The following SUCLG2 variants were observed in gnomAD, a reference collection of about 807,000 sequenced individuals.
SUCLG2 encodes the protein succinate-CoA ligase GDP-forming subunit beta.
SUCLG2 carries 42 observed loss-of-function variants against 47.9 expected under a neutral mutation model. The observed-to-expected ratio is 0.88, with a 90% CI of 0.69 to 1.14. The LOEUF is 1.14. Among genes scored for constraint, SUCLG2 ranks in the 50% most tolerant of loss-of-function variants. The probability of loss-of-function intolerance (pLI) is 0.00; values close to 1 mark genes in which losing one functional copy is unlikely to be tolerated. For missense variants in SUCLG2, 571 were observed against 525.9 expected, an observed-to-expected ratio of 1.09 and a Z score of -0.84; for synonymous variants, 195 against 197.3, an observed-to-expected ratio of 0.99 and a Z score of 0.10.
At chr3:67,528,368 G>C in intron 3 of SUCLG2, 146 bp from the exon 4 acceptor site, 2 of 710,818 alleles carry the variant, frequency 2.8e-6, no homozygotes, top group Non-Finnish European at 4.8e-6. Context: ...TATGTGCTGC[G>C]TGTTTAGCAC....
chr3:67,368,145 T>C (rs1480612736), intron 10 of SUCLG2, among the ~76,000 whole-genome samples: 1 of 152,190 alleles, frequency 6.6e-6, no homozygotes, highest in Non-Finnish European at 1.5e-5. Flanking sequence ...TCCCCTAAAA[T>C]TTTTGCAGAT....
At position 67,491,249 on chromosome 3, in the gene SUCLG2, G is replaced by C. The variant is rs146774918; in HGVS notation, c.1062+4549C>G. On this transcript the variant is annotated intron_variant, in intron 9 of 10. Coordinates refer to ENST00000307227, the MANE Select transcript of SUCLG2 (RefSeq NM_003848.4). ...TCAGAAGAAAAAAAAAAAAAAAAGAGAGAAAAGAAAAGAAATTACCTGTGG... is the reference window on the plus strand; with the variant it reads ...TCAGAAGAAAAAAAAAAAAAAAAGACAGAAAAGAAAAGAAATTACCTGTGG... Among the ~76,000 whole-genome samples the C allele has an allele frequency of 8.7e-3, 1,302 of 149,138 alleles. 23 individuals are homozygous for C. Among genetic ancestry groups the C allele is most frequent in the African/African-American group, 0.03 (1,236 of 40,830 alleles).
At chr3:67,404,461 C>G (rs557667812) in intron 9 of SUCLG2, among the ~76,000 whole-genome samples, 4 of 148,340 alleles carry the variant, frequency 2.7e-5, no homozygotes, top group Non-Finnish European at 6.0e-5. Flanking sequence ...AAGACAGGAA[C>G]AGAAAGAGTA....
chr3:67,437,633 A>G (rs1230374075), intron 9 of SUCLG2, among the ~76,000 whole-genome samples: 3 of 152,100 alleles, frequency 2.0e-5, no homozygotes, highest in African/African-American at 7.2e-5. Flanking sequence ...TTATAAGGGT[A>G]AATTTCTTCT....
At chr3:67,590,988 G>A (rs1018344881) in intron 2 of SUCLG2, among the ~76,000 whole-genome samples, 5 of 152,090 alleles carry the variant, frequency 3.3e-5, no homozygotes. Flanking sequence ...TTGTAGAGAG[G>A]TGCCAACTAA....
intron 1 of SUCLG2, among the ~76,000 whole-genome samples, chr3:67,641,968 C>A (rs1307387473): frequency 6.6e-6 from 1 of 152,132 alleles, no homozygotes; most frequent in Non-Finnish European, 1.5e-5. Flanking sequence ...GGCGTGTGTG[C>A]CCGAGTATAA....
At chr3:67,464,418 A>T (rs1356716042) in intron 9 of SUCLG2, among the ~76,000 whole-genome samples, 1 of 152,208 alleles carries the variant, frequency 6.6e-6, no homozygotes, top group African/African-American at 2.4e-5. Context: ...GACATCCCCA[A>T]TTCCAAATTT....
At chr3:67,576,476 T>C (rs1707745271) in intron 2 of SUCLG2, among the ~76,000 whole-genome samples, 1 of 152,220 alleles carries the variant, frequency 6.6e-6, no homozygotes, top group Non-Finnish European at 1.5e-5. Context: ...GTATTTCCCA[T>C]TCACAAGTGT....
chr3:67,397,840 G>A (rs1165141018), intron 10 of SUCLG2, among the ~76,000 whole-genome samples: 5 of 152,012 alleles, frequency 3.3e-5, no homozygotes, highest in Admixed American at 2.0e-4. Flanking sequence ...CAATGCAACA[G>A]AACAGAGCCC....
At chr3:67,591,612 T>C (rs1020211001) in intron 2 of SUCLG2, among the ~76,000 whole-genome samples, 7 of 152,150 alleles carry the variant, frequency 4.6e-5, no homozygotes, top group African/African-American at 1.2e-4. Context: ...GCTGCCACCA[T>C]GTAAGAAGTG....
chr3:67,589,332 T>C (rs1000001843), intron 2 of SUCLG2, among the ~76,000 whole-genome samples: 1 of 152,230 alleles, frequency 6.6e-6, no homozygotes, highest in Non-Finnish European at 1.5e-5. Context: ...CTTCTCTCAC[T>C]AGAATTCGAA....
chr3:67,554,149 A>G (rs566459988), intron 2 of SUCLG2, among the ~76,000 whole-genome samples: 1 of 152,190 alleles, frequency 6.6e-6, no homozygotes, highest in African/African-American at 2.4e-5. Flanking sequence ...CCAGTTGCCA[A>G]GACAAATGGG....
Position 67,495,890 on chromosome 3 carries a change from C to A in SUCLG2, c.970G>T (p.Gly324Cys). Residue 324 changes from glycine to cysteine, a missense_variant, in exon 9 of 11, where the codon GGT (glycine) becomes TGT (cysteine). Coordinates refer to ENST00000307227, the MANE Select transcript of SUCLG2 (RefSeq NM_003848.4). ...MATCDIIFLN[G>C]GKPANFLDLG... ...TCCAAGAAGTTGGCTGGCTTCCCAC[C>A]ATTAAGGAAAATGATATCACAAGTA... 6.2e-7 allele frequency: 1 copy of A among 1,614,028 alleles called. No individual in the cohort carries two copies. Among genetic ancestry groups the A allele is most frequent in the African/African-American group, 1.3e-5 (1 of 75,012 alleles).
At chr3:67,395,202 G>T (rs920681300) in intron 10 of SUCLG2, among the ~76,000 whole-genome samples, 6 of 151,964 alleles carry the variant, frequency 3.9e-5, no homozygotes, top group Admixed American at 3.3e-4. Context: ...TGGACTAAAT[G>T]CTCCAATTAA....
At chr3:67,396,017 A>G (rs908204141) in intron 10 of SUCLG2, among the ~76,000 whole-genome samples, 79 of 152,286 alleles carry the variant, frequency 5.2e-4, no homozygotes, top group Non-Finnish European at 7.9e-4. Context: ...GACACATTCA[A>G]AGCAGTGTGT....
intron 9 of SUCLG2, among the ~76,000 whole-genome samples, chr3:67,482,933 T>C (rs1704954928): frequency 6.6e-6 from 1 of 151,974 alleles, no homozygotes; most frequent in South Asian, 2.1e-4. Context: ...GAGTTCTAAT[T>C]GAGAAAAAAG....
At chr3:67,384,160 A>G (rs1322945385) in intron 10 of SUCLG2, among the ~76,000 whole-genome samples, 4 of 152,118 alleles carry the variant, frequency 2.6e-5, no homozygotes, top group African/African-American at 9.7e-5. Flanking sequence ...GACTGAGTGG[A>G]CCTCATTGCT....
intron 9 of SUCLG2, among the ~76,000 whole-genome samples, chr3:67,454,700 T>C (rs1393087436): frequency 2.6e-5 from 4 of 152,156 alleles, no homozygotes; most frequent in Admixed American, 1.3e-4. Context: ...TGGTGGCTCA[T>C]GCCTGTAATC....
intron 9 of SUCLG2, among the ~76,000 whole-genome samples, chr3:67,481,701 T>G (rs937611079): frequency 6.6e-6 from 1 of 152,190 alleles, no homozygotes; most frequent in African/African-American, 2.4e-5. Context: ...TTATTGAGCC[T>G]TAAAAAGACT....
Sources: gnomAD v4.1 joint callset for allele counts (sites outside exome capture counted in the v4.1 genomes callset) on GRCh38, gnomAD v4.1.1 for gene constraint, MANE v1.5 for transcripts, NCBI Gene and HGNC (gene_info 2026-07-23, HGNC 2026-07-21) for gene names.